SEC14L5: variants seen among roughly 807,000 people sequenced by gnomAD.
SEC14L5 encodes SEC14-like protein 5.
SEC14L5 carries 96 observed loss-of-function variants against 84.6 expected under a neutral mutation model. The ratio of observed to expected loss-of-function variants is 1.13; its 90% CI spans 0.96 to 1.34. The LOEUF (loss-of-function observed/expected upper bound fraction) is 1.34. Among genes scored for constraint, SEC14L5 ranks in the 40% most tolerant of loss-of-function variants. The probability of loss-of-function intolerance (pLI) is 0.00; values close to 1 mark genes in which losing one functional copy is unlikely to be tolerated. For missense variants in SEC14L5, 1,224 were observed against 942.5 expected, an observed-to-expected ratio of 1.30 and a Z score of -3.91; for synonymous variants, 546 against 383.4, an observed-to-expected ratio of 1.42 and a Z score of -4.95.
chr16:5,009,066 C>T (rs1470702314), intron 14 of SEC14L5, among the ~76,000 whole-genome samples: 1 of 152,168 alleles, frequency 6.6e-6, no homozygotes, highest in African/African-American at 2.4e-5. Flanking sequence ...AGTCCAAAAC[C>T]AAGGTGTTGG....
At position 4,988,183 on chromosome 16, in the gene SEC14L5, C is replaced by A. The variant is rs1236464006; in HGVS notation, c.248C>A (p.Thr83Lys). Residue 83 changes from threonine (T) to lysine (K), a missense_variant, in exon 4 of 16, where the codon ACA (threonine) becomes AAA (lysine). Coordinates refer to ENST00000251170, the MANE Select transcript of SEC14L5 (RefSeq NM_014692.2). ...GTTGAGCACGTGGTCTTCGTGCAGA[C>A]AAACATCTTGAACTGGAAGGAGAGG... is the stretch of plus-strand genomic sequence containing the variant. ...AGVEHVVFVQ[T>K]NILNWKERTL... 9 of 1,613,502 alleles carry A rather than the reference C, an allele frequency of 5.6e-6. No individual in the cohort carries two copies. Among genetic ancestry groups the A allele is most frequent in the South Asian group, 1.1e-5 (1 of 91,066 alleles).
chr16:4,976,233 C>G (rs751035035), intron 2 of SEC14L5, among the ~76,000 whole-genome samples: 1 of 152,234 alleles, frequency 6.6e-6, no homozygotes, highest in African/African-American at 2.4e-5. Context: ...CTTTTACACA[C>G]AAAGGAATTA....
chr16:4,977,245 G>C (rs915504607), intron 2 of SEC14L5, among the ~76,000 whole-genome samples: 7 of 151,950 alleles, frequency 4.6e-5, no homozygotes, highest in Non-Finnish European at 8.8e-5. Flanking sequence ...TCAGGAGTTC[G>C]AGACCAGCCT....
In SEC14L5 at chr16:4,987,680, G is replaced by A; in HGVS notation, c.187G>A (p.Val63Met). The A allele has an allele frequency of 1.3e-6, 2 of 1,539,468 alleles. No individual in the cohort carries two copies. The highest frequency in any genetic ancestry group is 1.7e-6 in the Non-Finnish European group (2 of 1,146,004). Reference sequence around the variant, plus strand: ...GGTGGAGCGGAGCTGCCGGCTGCGCGTGGACGCCCCGCGGCTGCTGCGGAA... The same window carrying A: ...GGTGGAGCGGAGCTGCCGGCTGCGCATGGACGCCCCGCGGCTGCTGCGGAA... The part of the protein sequence containing the change: ...HVVERSCRLR[V>M]DAPRLLRKIA... The change falls in exon 3 of 16, where the codon GTG becomes ATG. Residue 63 changes from valine to methionine, a missense_variant. Coordinates refer to ENST00000251170, the MANE Select transcript of SEC14L5 (RefSeq NM_014692.2).
intron 6 of SEC14L5, among the ~76,000 whole-genome samples, chr16:4,993,578 T>C (rs1287784790): frequency 6.6e-6 from 1 of 152,226 alleles, no homozygotes; most frequent in African/African-American, 2.4e-5. Flanking sequence ...TAGTTCCCTA[T>C]TGAAGGAAAC....
chr16:4,983,871 CTG>C lies in SEC14L5; in HGVS notation c.64-3684_64-3683del, dbSNP rs537953242. 8.0e-4 allele frequency among the ~76,000 whole-genome samples: 108 copies of C among 134,964 alleles called. 3 individuals are homozygous for C. In the East Asian group the frequency reaches 0.023, roughly 29 times the overall value. 88.5% of individuals were successfully genotyped at this position (134,964 alleles called of 152,430 possible). A position where few individuals can be genotyped will look rare whatever the true frequency, so the allele number is the denominator to read the frequency against. ...CACCCTGGGTGACAAGAACAAAACT[CTG>C]TCTCAAATAAATAAATAAATAAATA... On this transcript the variant is annotated intron_variant, in intron 2 of 15. Coordinates refer to ENST00000251170, the MANE Select transcript of SEC14L5 (RefSeq NM_014692.2).
At chr16:4,968,890 CTTG>C (rs1955238349) in intron 2 of SEC14L5, among the ~76,000 whole-genome samples, 2 of 152,190 alleles carry the variant, frequency 1.3e-5, no homozygotes, top group African/African-American at 2.4e-5. Flanking sequence ...AAGACCTGGC[CTTG>C]TTGTATTGTT....
At chr16:4,993,239 A>T (rs954992062) in intron 6 of SEC14L5, among the ~76,000 whole-genome samples, 2 of 151,952 alleles carry the variant, frequency 1.3e-5, no homozygotes, top group Non-Finnish European at 2.9e-5. Context: ...TTTATTTTTA[A>T]TTAATTAATT....
intron 10 of SEC14L5, among the ~76,000 whole-genome samples, chr16:5,001,224 T>C (rs1319353601): frequency 6.7e-6 from 1 of 149,468 alleles, no homozygotes; most frequent in African/African-American, 2.5e-5. Flanking sequence ...ATCCTCCCAC[T>C]CCACTCAACA....
chr16:5,005,093 C>T (rs899613557), intron 11 of SEC14L5, among the ~76,000 whole-genome samples: 1 of 151,874 alleles, frequency 6.6e-6, no homozygotes. Flanking sequence ...GGTGGATCAC[C>T]TGAGGTCAGG....
At chr16:5,010,861 C>T (rs937063221) in intron 14 of SEC14L5, 8 of 502,218 alleles carry the variant, frequency 1.6e-5, no homozygotes, top group Admixed American at 6.4e-5. Flanking sequence ...CACCCCCAGG[C>T]GTCAGCTCCT....
At chr16:4,992,290 T>G (rs2908684) in intron 6 of SEC14L5, among the ~76,000 whole-genome samples, 96,203 of 152,000 alleles carry the variant, frequency 0.63, 30,981 homozygotes, top group Middle Eastern at 0.77. Flanking sequence ...CCCCTATGTC[T>G]CCCAGGCTGG....
chr16:4,980,564 GTTC>G (rs1006552716), intron 2 of SEC14L5, among the ~76,000 whole-genome samples: 5 of 152,150 alleles, frequency 3.3e-5, no homozygotes, highest in Non-Finnish European at 5.9e-5. Context: ...TGCGTGTTAT[GTTC>G]TTCTTTGCTG....
At chr16:5,013,138 C>CCAACCAATCCA (rs1955826292) in intron 15 of SEC14L5, among the ~76,000 whole-genome samples, 1 of 152,214 alleles carries the variant, frequency 6.6e-6, no homozygotes, top group South Asian at 2.1e-4. Context: ...ATGATCCAAT[C>CCAACCAATCCA]ACCTCCCACC....
intron 7 of SEC14L5, 48 bp downstream of exon 7, chr16:4,996,508 G>A (rs1382678879): frequency 1.0e-6 from 1 of 983,678 alleles, no homozygotes; most frequent in South Asian, 1.4e-5. Context: ...GGCAATGACT[G>A]GTACTCAGCC....
At chr16:4,981,401 C>A (rs536665790) in intron 2 of SEC14L5, among the ~76,000 whole-genome samples, 1 of 151,774 alleles carries the variant, frequency 6.6e-6, no homozygotes, top group East Asian at 1.9e-4. Context: ...TGTGAGCCAC[C>A]GCGCCTGGTC....
rs1955871908 is a variant in SEC14L5, at chr16:5,016,048, C to G, written c.*1078C>G. ...ATGCCCAGGTGCTTCAACACAAAAG[C>G]ATGATCATTCATGGGTGCATAGAAC... On this transcript the variant is annotated 3_prime_UTR_variant, in exon 16 of 16. Coordinates refer to ENST00000251170, the MANE Select transcript of SEC14L5 (RefSeq NM_014692.2). 1 of 152,186 alleles carries G rather than the reference C, an allele frequency of 6.6e-6. No individual in the cohort carries two copies. Among genetic ancestry groups the G allele is most frequent in the Non-Finnish European group, 1.5e-5 (1 of 68,050 alleles). 9.4% of individuals were successfully genotyped at this position (152,186 alleles called of 1,614,324 possible).
chr16:5,000,404 C>A (rs1328136593), intron 8 of SEC14L5, among the ~76,000 whole-genome samples: 1 of 152,236 alleles, frequency 6.6e-6, no homozygotes, highest in Non-Finnish European at 1.5e-5. Flanking sequence ...CCCCAAAATG[C>A]TGGGGTAATA....
At chr16:4,986,551 T>A (rs960353317) in intron 2 of SEC14L5, among the ~76,000 whole-genome samples, 1 of 152,246 alleles carries the variant, frequency 6.6e-6, no homozygotes, top group African/African-American at 2.4e-5. Context: ...AATTTTGGGA[T>A]AAGCTTGTCA....
Sources: allele counts gnomAD v4.1 joint callset (sites outside exome capture counted in the v4.1 genomes callset), GRCh38; gene constraint gnomAD v4.1.1; transcripts MANE v1.5; gene names NCBI Gene and HGNC (gene_info 2026-07-23, HGNC 2026-07-21).